The following LEMD3 variants were observed in gnomAD, a reference collection of about 807,000 sequenced individuals.
LEMD3 encodes the protein LEM domain containing 3.
Under a neutral mutation model 95.2 loss-of-function variants are expected in LEMD3, and 33 were observed. That is an observed-to-expected ratio of 0.35 (90% CI 0.26 to 0.46). The LOEUF is 0.46. Ranked by LOEUF, LEMD3 falls within the 20% of genes least tolerant of loss-of-function variation. The pLI is 1.00. For missense variants in LEMD3, 1,210 were observed against 1,192.8 expected, an observed-to-expected ratio of 1.01 and a Z score of -0.21; for synonymous variants, 525 against 474.6, an observed-to-expected ratio of 1.11 and a Z score of -1.38.
At chr12:65,235,733 C>T (rs922771072) in intron 4 of LEMD3, among the ~76,000 whole-genome samples, 24 of 152,046 alleles carry the variant, frequency 1.6e-4, no homozygotes, top group Non-Finnish European at 3.2e-4. Flanking sequence ...AACCAATCCT[C>T]TGTGAATACT....
rs767735305 is a variant in LEMD3, at chr12:65,169,797, TAAC to T, written c.204_206del (p.Asn70del). 7.8e-6 allele frequency: 12 copies of T among 1,547,086 alleles called. No homozygotes were observed. The highest frequency in any genetic ancestry group is 1.4e-5 in the African/African-American group (1 of 72,620). On this transcript the variant is annotated inframe_deletion, in exon 1 of 13. Transcript: ENST00000308330. ...GCGGCAACAAGACGCGGAACAGTAA[TAAC>T]AATAACACGGCAGCCGCCACGGTCG...
At chr12:65,218,854 T>G (rs1338556378) in intron 4 of LEMD3, among the ~76,000 whole-genome samples, 2 of 150,282 alleles carry the variant, frequency 1.3e-5, no homozygotes, top group African/African-American at 4.9e-5. Flanking sequence ...CAATGGCTGA[T>G]CTCGACTCAC....
At chr12:65,172,082 T>C (rs1258150741) in intron 1 of LEMD3, among the ~76,000 whole-genome samples, 1 of 152,076 alleles carries the variant, frequency 6.6e-6, no homozygotes, top group Non-Finnish European at 1.5e-5. Context: ...ATTAAGGCCT[T>C]GAGTTGAGCA....
At chr12:65,185,302 G>T (rs1488644051) in intron 1 of LEMD3, among the ~76,000 whole-genome samples, 1 of 152,054 alleles carries the variant, frequency 6.6e-6, no homozygotes, top group Non-Finnish European at 1.5e-5. Context: ...TCTCTAAATT[G>T]TTCTTTATCC....
chr12:65,232,213 A>G (rs1592459004), intron 4 of LEMD3, among the ~76,000 whole-genome samples: 1 of 152,124 alleles, frequency 6.6e-6, no homozygotes, highest in Non-Finnish European at 1.5e-5. Context: ...TATGGAGGAA[A>G]CTCACTACAA....
chr12:65,199,614 A>G (rs541131995), intron 1 of LEMD3, among the ~76,000 whole-genome samples: 1 of 152,266 alleles, frequency 6.6e-6, no homozygotes, highest in East Asian at 1.9e-4. Context: ...ACCAAAAAAA[A>G]ATTGTTACAT....
At chr12:65,240,285 G>A (rs1164773832) in intron 8 of LEMD3, 47 bp downstream of exon 8, 1 of 1,315,056 alleles carries the variant, frequency 7.6e-7, no homozygotes, top group East Asian at 2.3e-5. Flanking sequence ...AAATTTAAGT[G>A]CTTTCTGCAG....
At chr12:65,215,187 A>T (rs528187091) in intron 2 of LEMD3, among the ~76,000 whole-genome samples, 43 of 152,288 alleles carry the variant, frequency 2.8e-4, no homozygotes, top group African/African-American at 9.9e-4. Flanking sequence ...CAATGCTTTC[A>T]TGCCTTCATG....
At chr12:65,230,448 G>T (rs1056540802) in intron 4 of LEMD3, among the ~76,000 whole-genome samples, 2 of 150,344 alleles carry the variant, frequency 1.3e-5, no homozygotes, top group African/African-American at 4.9e-5. Flanking sequence ...GTGTTTTATG[G>T]TTTTTTTTTA....
chr12:65,175,634 G>A (rs1414529310), intron 1 of LEMD3, among the ~76,000 whole-genome samples: 2 of 152,118 alleles, frequency 1.3e-5, no homozygotes, highest in Non-Finnish European at 2.9e-5. Flanking sequence ...CTGTCTGCCT[G>A]TTTTAAATAT....
At chr12:65,225,076 C>T (rs1236496829) in intron 4 of LEMD3, among the ~76,000 whole-genome samples, 2 of 152,082 alleles carry the variant, frequency 1.3e-5, no homozygotes, top group African/African-American at 4.8e-5. Context: ...TCCAAAATTT[C>T]TGGGTTTTAA....
At position 65,244,247 on chromosome 12, in the gene LEMD3, G is replaced by A. The variant is rs552465652; in HGVS notation, c.2387+778G>A. On this transcript the variant is annotated intron_variant, in intron 10 of 12. Coordinates refer to ENST00000308330, the MANE Select transcript of LEMD3 (RefSeq NM_014319.5). ...AAATGTGAGGAAGCAGTATGCACACGTGTTTGCACGTGGGCACGCGCACAC... is the reference window on the plus strand; with the variant it reads ...AAATGTGAGGAAGCAGTATGCACACATGTTTGCACGTGGGCACGCGCACAC... Among the ~76,000 whole-genome samples, 28 of 151,474 alleles carry A rather than the reference G, an allele frequency of 1.8e-4. 1 individual carries two copies. In the South Asian group the frequency reaches 5.6e-3, roughly 30 times the overall value.
intron 4 of LEMD3, among the ~76,000 whole-genome samples, chr12:65,235,465 A>T (rs1406710913): frequency 6.6e-6 from 1 of 152,278 alleles, no homozygotes; most frequent in Admixed American, 6.5e-5. Context: ...CCCTACGTAT[A>T]CATGGGTTTT....
intron 1 of LEMD3, among the ~76,000 whole-genome samples, chr12:65,182,096 G>T (rs566786662): frequency 6.6e-6 from 1 of 152,108 alleles, no homozygotes; most frequent in African/African-American, 2.4e-5. Flanking sequence ...TTTGTCCAAG[G>T]TCCCACAGCT....
intron 1 of LEMD3, among the ~76,000 whole-genome samples, chr12:65,172,545 C>A (rs1277329273): frequency 6.6e-6 from 1 of 152,048 alleles, no homozygotes; most frequent in Non-Finnish European, 1.5e-5. Context: ...TCAGCTCTCA[C>A]TTTAGTTTAT....
intron 1 of LEMD3, among the ~76,000 whole-genome samples, chr12:65,173,787 A>G (rs1868628251): frequency 1.3e-5 from 2 of 152,228 alleles, no homozygotes; most frequent in Admixed American, 1.3e-4. Flanking sequence ...ATAGAAATTA[A>G]TACAGAAATT....
At position 65,228,898 on chromosome 12, in the gene LEMD3, GC is replaced by G. The variant is rs777282997; in HGVS notation, c.1696-9602del. Among the ~76,000 whole-genome samples the G allele has an allele frequency of 5.3e-5, 8 of 152,140 alleles. 1 individual carries two copies. In the South Asian group the frequency reaches 1.7e-3, roughly 32 times the overall value. ...ATATAATAAATTGTTAATTATAGTT[GC>G]CTTGCAGTGTTATAGAACACTAGAA... On this transcript the variant is annotated intron_variant, in intron 4 of 12. Transcript: ENST00000308330.
intron 1 of LEMD3, among the ~76,000 whole-genome samples, chr12:65,181,619 C>T (rs575936082): frequency 1.9e-4 from 29 of 152,208 alleles, no homozygotes; most frequent in African/African-American, 6.7e-4. Context: ...TATATATACA[C>T]AAAAGAAATA....
intron 1 of LEMD3, among the ~76,000 whole-genome samples, chr12:65,203,029 T>G (rs566682541): frequency 5.3e-5 from 8 of 152,260 alleles, no homozygotes; most frequent in African/African-American, 1.9e-4. Context: ...AGATTTCCTG[T>G]TTTTTAATTT....
Sources: gnomAD v4.1 joint callset for allele counts (sites outside exome capture counted in the v4.1 genomes callset) on GRCh38, gnomAD v4.1.1 for gene constraint, MANE v1.5 for transcripts, NCBI Gene and HGNC (gene_info 2026-07-23, HGNC 2026-07-21) for gene names.